The following RHCE variants were observed in gnomAD, a reference collection of about 807,000 sequenced individuals.
RHCE encodes the protein blood group Rh(CE) polypeptide.
A neutral mutation model predicts 43.8 loss-of-function variants in RHCE; 22 were observed. The ratio of observed to expected loss-of-function variants is 0.50; its 90% CI spans 0.36 to 0.72. The LOEUF (loss-of-function observed/expected upper bound fraction) is 0.72. RHCE is among the 30% of genes least tolerant of loss of function. The pLI is 0.00. For synonymous variants in RHCE, 156 were observed against 210.7 expected (o/e 0.74, Z 2.25); for missense variants, 385 against 525.4 (o/e 0.73, Z 2.61).
rs616752 is a variant in RHCE at position 25,396,730 on chromosome 1, C to A, written c.487-4589G>T. 3.8e-4 allele frequency among the ~76,000 whole-genome samples: 57 copies of A among 151,942 alleles called. No homozygotes were observed. In the South Asian group the frequency reaches 5.0e-3, roughly 13 times the overall value. ...ATGGGGGAAACCACCCCTGTGATCC[C>A]ATCACCTCCCACAAGGTCCTGCCCT... On this transcript the variant is annotated intron_variant, in intron 3 of 9. Transcript: ENST00000294413.
rs1454592298 is a variant in RHCE at position 25,389,064 on chromosome 1, G to A, written c.851C>T (p.Ser284Leu). 7 of 1,613,992 alleles carry A rather than the reference G, an allele frequency of 4.3e-6. No homozygotes were observed. Among genetic ancestry groups the A allele is most frequent in the South Asian group, 1.1e-5 (1 of 91,088 alleles). Residue 284 changes from serine to leucine, a missense_variant, in exon 6 of 10, where the codon TCG (serine) becomes TTG (leucine). Physicochemically the swap from Ser to Leu is moderately radical, Grantham distance 145. Transcript: ENST00000294413. ...CCACGGAGAAGGGATCAGGTGACAC[G>A]AGGTACCCACAGCCACGCCTCCTGC... is the stretch of plus-strand genomic sequence containing the variant. ...VLAGGVAVGT[S>L]CHLIPSPWLA...
intron 8 of RHCE, among the ~76,000 whole-genome samples, chr1:25,372,369 A>G (rs1044397131): frequency 3.3e-5 from 5 of 151,480 alleles, no homozygotes; most frequent in Non-Finnish European, 4.4e-5. Flanking sequence ...AAAATACAAA[A>G]TTAGCCGGGC....
chr1:25,389,212 C>A (rs1408261430), intron 5 of RHCE, 99 bp from the exon 6 acceptor site: 1 of 1,477,266 alleles, frequency 6.8e-7, no homozygotes, highest in Admixed American at 1.8e-5. Context: ...AACCCTGTAA[C>A]ATCCTCCCTG....
chr1:25,375,715 A>T (rs1425555609), intron 7 of RHCE, among the ~76,000 whole-genome samples: 1 of 147,082 alleles, frequency 6.8e-6, no homozygotes, highest in Non-Finnish European at 1.5e-5. Flanking sequence ...CTCAAGTCCC[A>T]GCTCTGTCAC....
chr1:25,428,324 C>T (rs769900606), intron 2 of RHCE, among the ~76,000 whole-genome samples: 3 of 152,194 alleles, frequency 2.0e-5, no homozygotes, highest in Non-Finnish European at 2.9e-5. Flanking sequence ...GTACCTGTTC[C>T]TGCGCTCCCC....
chr1:25,384,438 A>C (rs1232537172), intron 7 of RHCE, among the ~76,000 whole-genome samples: 9 of 151,580 alleles, frequency 5.9e-5, no homozygotes, highest in Non-Finnish European at 1.3e-4. Context: ...CAGGCATCTG[A>C]GTAGGACCTT....
chr1:25,425,593 T>C (rs1197406227), upstream of RHCE, among the ~76,000 whole-genome samples: 1 of 152,296 alleles, frequency 6.6e-6, no homozygotes, highest in South Asian at 2.1e-4. Context: ...ACGTGAAAAT[T>C]TGTCAGCAGG....
intron 2 of RHCE, among the ~76,000 whole-genome samples, chr1:25,427,694 A>G (rs2042816203): frequency 1.3e-5 from 2 of 152,024 alleles, no homozygotes; most frequent in Admixed American, 6.5e-5. Context: ...TCTCACCCCA[A>G]CTCTACCCAT....
chr1:25,412,539 C>T (rs891398690), intron 1 of RHCE, among the ~76,000 whole-genome samples: 7 of 151,830 alleles, frequency 4.6e-5, no homozygotes, highest in African/African-American at 1.7e-4. Flanking sequence ...ATAGCAAGAC[C>T]TTGTCTCTAC....
chr1:25,419,307 T>C (rs2042698447), intron 1 of RHCE, among the ~76,000 whole-genome samples: 1 of 152,242 alleles, frequency 6.6e-6, no homozygotes, highest in African/African-American at 2.4e-5. Context: ...TTGAATTGTA[T>C]TGGATTGAAA....
At chr1:25,370,374 T>C in intron 9 of RHCE, 93 bp downstream of exon 9, 1 of 1,105,130 alleles carries the variant, frequency 9.0e-7, no homozygotes, top group Admixed American at 1.7e-5. Context: ...TGTTTTTGTT[T>C]TACTCATAAA....
chr1:25,387,571 G>C (rs185022251), intron 6 of RHCE, among the ~76,000 whole-genome samples: 11 of 152,306 alleles, frequency 7.2e-5, no homozygotes, highest in African/African-American at 2.6e-4. Flanking sequence ...ATGGTAACTT[G>C]CTATGTGTTC....
chr1:25,383,788 A>C (rs1646068941), intron 7 of RHCE, among the ~76,000 whole-genome samples: 1 of 152,162 alleles, frequency 6.6e-6, no homozygotes, highest in Admixed American at 6.5e-5. Context: ...CCATAGGCTC[A>C]GTGGGCTGAT....
At chr1:25,372,178 G>T (rs371319395) in intron 8 of RHCE, among the ~76,000 whole-genome samples, 4 of 151,782 alleles carry the variant, frequency 2.6e-5, no homozygotes, top group East Asian at 1.9e-4. Flanking sequence ...AGGGTTGTTG[G>T]TCTAATCTCT....
At chr1:25,386,341 A>C (rs946289752) in intron 6 of RHCE, among the ~76,000 whole-genome samples, 13 of 152,152 alleles carry the variant, frequency 8.5e-5, no homozygotes, top group African/African-American at 3.1e-4. Flanking sequence ...GCCCAAATTT[A>C]AGCACCATCC....
intron 1 of RHCE, among the ~76,000 whole-genome samples, chr1:25,412,033 A>G (rs536990457): frequency 2.0e-5 from 3 of 152,340 alleles, no homozygotes; most frequent in Admixed American, 2.0e-4. Context: ...GACCGGGCCC[A>G]GAGGAGAATT....
intron 1 of RHCE, among the ~76,000 whole-genome samples, chr1:25,411,672 C>T (rs1233671105): frequency 1.3e-5 from 2 of 152,148 alleles, no homozygotes; most frequent in African/African-American, 4.8e-5. Context: ...TTTCTATCTC[C>T]TGCTTGCATC....
chr1:25,400,273 T>C (rs2124466838), intron 3 of RHCE, among the ~76,000 whole-genome samples: 1 of 152,384 alleles, frequency 6.6e-6, no homozygotes, highest in South Asian at 2.1e-4. Context: ...GCCAGGCTTT[T>C]GCCTTCATCC....
chr1:25,399,992 T>C (rs1213146920), intron 3 of RHCE, among the ~76,000 whole-genome samples: 2 of 152,172 alleles, frequency 1.3e-5, no homozygotes, highest in African/African-American at 2.4e-5. Flanking sequence ...AAATAAAATG[T>C]TGTATAATAA....
Sources: gnomAD v4.1 joint callset for allele counts (sites outside exome capture counted in the v4.1 genomes callset) on GRCh38, gnomAD v4.1.1 for gene constraint, MANE v1.5 for transcripts, NCBI Gene and HGNC (gene_info 2026-07-23, HGNC 2026-07-21) for gene names.